NRG1: variants seen among roughly 807,000 people sequenced by gnomAD.
The protein encoded by NRG1 is pro-neuregulin-1, membrane-bound isoform.
A neutral mutation model predicts 63.8 loss-of-function variants in NRG1; 18 were observed. The ratio of observed to expected loss-of-function variants is 0.28; its 90% CI spans 0.19 to 0.42. NRG1 has a LOEUF of 0.42. Among genes scored for constraint, NRG1 ranks in the 10% least tolerant of loss-of-function variants. The pLI, the probability that NRG1 is intolerant of heterozygous loss-of-function variation, is 1.00. For synonymous variants in NRG1, 302 were observed against 301.3 expected (o/e 1.00, Z -0.02); for missense variants, 762 against 814.7 (o/e 0.94, Z 0.79).
chr8:32,175,343 G>T (rs1191926853), intron 1 of NRG1, among the ~76,000 whole-genome samples: 2 of 152,090 alleles, frequency 1.3e-5, no homozygotes, highest in Non-Finnish European at 2.9e-5. Context: ...AAAATAATAA[G>T]AACTATCTAT....
intron 5 of NRG1, among the ~76,000 whole-genome samples, chr8:32,658,933 A>G (rs1160511555): frequency 1.3e-5 from 2 of 152,192 alleles, no homozygotes; most frequent in East Asian, 1.9e-4. Flanking sequence ...TTTTGCTTAT[A>G]TGTCACTCTT....
intron 1 of NRG1, among the ~76,000 whole-genome samples, chr8:32,241,933 T>G (rs4733311): frequency 3.9e-5 from 6 of 152,012 alleles, no homozygotes; most frequent in African/African-American, 9.7e-5. Context: ...TTAAAATTTT[T>G]TGTAGAGACA....
At chr8:32,475,792 T>C (rs879345319) in intron 1 of NRG1, among the ~76,000 whole-genome samples, 2 of 152,196 alleles carry the variant, frequency 1.3e-5, no homozygotes, top group Non-Finnish European at 2.9e-5. Flanking sequence ...TAAATAAATC[T>C]AGATGAAAAT....
chr8:32,536,922 CAAAAAAAAAAAAA>C (rs35265022), intron 1 of NRG1, among the ~76,000 whole-genome samples: 3 of 35,912 alleles, frequency 8.4e-5, no homozygotes, highest in Admixed American at 1.2e-3. Flanking sequence ...GACTCCGTCT[CAAAAAAAAAAAAA>C]AAAAAAAAAA....
At chr8:32,536,319 G>A (rs1831961033) in intron 1 of NRG1, among the ~76,000 whole-genome samples, 1 of 152,166 alleles carries the variant, frequency 6.6e-6, no homozygotes. Context: ...GCCAGGGGCA[G>A]CTCCAAGCTC....
intron 1 of NRG1, among the ~76,000 whole-genome samples, chr8:31,739,313 G>A (rs927356238): frequency 1.3e-5 from 2 of 152,000 alleles, no homozygotes; most frequent in African/African-American, 4.8e-5. Flanking sequence ...ACTGGGGTTG[G>A]TAATGCAATA....
intron 5 of NRG1, among the ~76,000 whole-genome samples, chr8:32,696,405 A>G (rs1241940043): frequency 1.3e-5 from 2 of 152,016 alleles, no homozygotes; most frequent in Non-Finnish European, 2.9e-5. Context: ...TGCCCTCCCC[A>G]CTTTCTGCCT....
intron 1 of NRG1, among the ~76,000 whole-genome samples, chr8:31,977,163 C>A (rs1318794752): frequency 2.0e-5 from 3 of 152,156 alleles, no homozygotes; most frequent in Non-Finnish European, 4.4e-5. Context: ...AGCAGCTGTA[C>A]AGAACCAAAT....
At chr8:32,648,406 G>T (rs1479255907) in intron 5 of NRG1, 2 of 1,598,076 alleles carry the variant, frequency 1.3e-6, no homozygotes, top group African/African-American at 2.7e-5. Flanking sequence ...GAGAGAGAGA[G>T]ACGATGATGA....
At chr8:31,775,658 C>T (rs982380656) in intron 1 of NRG1, among the ~76,000 whole-genome samples, 1 of 151,724 alleles carries the variant, frequency 6.6e-6, no homozygotes, top group Non-Finnish European at 1.5e-5. Flanking sequence ...CCAAGGCAGG[C>T]GGATCATGAT....
chr8:31,756,601 G>A (rs986732138), intron 1 of NRG1, among the ~76,000 whole-genome samples: 1 of 152,092 alleles, frequency 6.6e-6, no homozygotes, highest in Non-Finnish European at 1.5e-5. Flanking sequence ...GAATATTAGT[G>A]TCTGTTATCC....
chr8:31,762,241 T>C (rs1817635007), intron 1 of NRG1, among the ~76,000 whole-genome samples: 1 of 152,234 alleles, frequency 6.6e-6, no homozygotes, highest in East Asian at 1.9e-4. Flanking sequence ...TTCCCCTCTC[T>C]GTGTCCATGT....
chr8:32,596,049 A>G, intron 2 of NRG1, 44 bp downstream of exon 2: 2 of 1,471,332 alleles, frequency 1.4e-6, no homozygotes, highest in South Asian at 2.5e-5. Flanking sequence ...CCCAGCAATA[A>G]GATAACATAT....
chr8:32,013,289 TGAGATACCAGCAGCAGGAAGAGGAACCAC>T (rs1274157519), intron 1 of NRG1, among the ~76,000 whole-genome samples: 17 of 151,930 alleles, frequency 1.1e-4, no homozygotes, highest in East Asian at 3.9e-4. Context: ...ATTAGTAAAA[TGAGATACCAGCAGCAGGAAGAGGAACCAC>T]TTTGCTGACC....
At chr8:31,809,741 GTTTTTTTTTTT>G (rs753730069) in intron 1 of NRG1, among the ~76,000 whole-genome samples, 1 of 68,018 alleles carries the variant, frequency 1.5e-5, no homozygotes, top group Non-Finnish European at 2.6e-5. Flanking sequence ...TCTATTAATT[GTTTTTTTTTTT>G]TTTTTTTTTT....
chr8:32,122,330 G>A (rs145326091), intron 1 of NRG1, among the ~76,000 whole-genome samples: 1,610 of 152,038 alleles, frequency 0.011, 14 homozygotes, highest in Middle Eastern at 0.031. Context: ...TTTGTGGTGG[G>A]TTTTTGGTAG....
At position 32,725,159 on chromosome 8, in the gene NRG1, G is replaced by A. The variant is rs149654929; in HGVS notation, c.503-2790G>A. Among the ~76,000 whole-genome samples the A allele has an allele frequency of 2.1e-4, 32 of 152,160 alleles. No homozygotes were observed. In the East Asian group the frequency reaches 4.4e-3, roughly 21 times the overall value. On this transcript the variant is annotated intron_variant, in intron 5 of 11. Transcript: ENST00000356819. ...ACATTTGGGGGGGAGTTGGAATGTT[G>A]GTTTTGTTGTTTTTAGCAAAAGCCT...
chr8:32,614,510 T>C lies in NRG1; in HGVS notation c.401-4T>C, dbSNP rs538433640. On this transcript the variant is annotated splice_polypyrimidine_tract_variant and splice_region_variant and intron_variant, in intron 3 of 11. Transcript: ENST00000356819. ...CATAATGTCCTATCACCTTTTTTTT[T>C]CAGAGATCATCACTGGTATGCCAGC... is the stretch of plus-strand genomic sequence containing the variant. 37 of 1,612,504 alleles carry C rather than the reference T, an allele frequency of 2.3e-5. 1 individual carries two copies. The South Asian group carries it at 3.6e-4, about 16-fold the overall frequency.
intron 5 of NRG1, among the ~76,000 whole-genome samples, chr8:32,717,423 A>T (rs989468810): frequency 5.3e-5 from 8 of 152,200 alleles, no homozygotes; most frequent in African/African-American, 1.9e-4. Flanking sequence ...CTAACAGCAG[A>T]TATACATTTA....
Sources: gnomAD v4.1 joint callset for allele counts (sites outside exome capture counted in the v4.1 genomes callset) on GRCh38, gnomAD v4.1.1 for gene constraint, MANE v1.5 for transcripts, NCBI Gene and HGNC (gene_info 2026-07-23, HGNC 2026-07-21) for gene names.